The following TFAP2B variants were observed in gnomAD, a reference collection of about 807,000 sequenced individuals.
The protein encoded by TFAP2B is transcription factor AP-2 beta, also known as transcription factor AP-2-beta.
Under a neutral mutation model 44.3 loss-of-function variants are expected in TFAP2B, and 9 were observed. The observed-to-expected ratio is 0.20, with a 90% CI of 0.12 to 0.35. The LOEUF is 0.35. TFAP2B is among the 10% of genes least tolerant of loss of function. The pLI is 1.00. For synonymous variants in TFAP2B, 270 were observed against 263.8 expected (o/e 1.02, Z -0.23); for missense variants, 509 against 600.0 (o/e 0.85, Z 1.59).
At chr6:50,833,931 G>A (rs1334602522) in intron 3 of TFAP2B, among the ~76,000 whole-genome samples, 1 of 152,152 alleles carries the variant, frequency 6.6e-6, no homozygotes, top group Non-Finnish European at 1.5e-5. Flanking sequence ...ATGTTGCTAA[G>A]TATAGAGGTG....
chr6:50,818,822 A>G, upstream of TFAP2B: 7 of 1,457,286 alleles, frequency 4.8e-6, no homozygotes, highest in Non-Finnish European at 6.7e-6. Flanking sequence ...TGTATCCCCC[A>G]TTTCCAATTA....
chr6:50,823,513 C>A lies in TFAP2B; in HGVS notation c.188C>A (p.Ser63Ter). 1 of 1,613,704 alleles carries A rather than the reference C, an allele frequency of 6.2e-7. No individual in the cohort carries two copies. Residue 63 changes from serine to a stop codon, truncating the protein, a stop_gained, in exon 2 of 7, where the codon TCG (serine) becomes TAG (stop). Coordinates refer to ENST00000393655, the MANE Select transcript of TFAP2B (RefSeq NM_003221.4). LOFTEE classifies it high-confidence loss of function. ...SAPPLSHTPS[S>*]DFQPPYFPPP... Reference sequence around the variant, plus strand: ...CCGCCGCTGTCCCACACCCCGTCGTCGGACTTCCAGCCGCCCTACTTCCCA... The same window carrying A: ...CCGCCGCTGTCCCACACCCCGTCGTAGGACTTCCAGCCGCCCTACTTCCCA...
intron 2 of TFAP2B, among the ~76,000 whole-genome samples, chr6:50,825,351 T>C (rs1770474267): frequency 6.6e-6 from 1 of 152,100 alleles, no homozygotes; most frequent in Non-Finnish European, 1.5e-5. Context: ...GTTTTTAAAT[T>C]AACCTTTCTG....
chr6:50,828,182 A>G (rs768715107), intron 2 of TFAP2B, among the ~76,000 whole-genome samples: 2 of 152,324 alleles, frequency 1.3e-5, no homozygotes, highest in East Asian at 1.9e-4. Flanking sequence ...TTTAATTAAA[A>G]TCCCATAATG....
At chr6:50,833,019 G>GA (rs1435861772) in intron 3 of TFAP2B, among the ~76,000 whole-genome samples, 1 of 152,104 alleles carries the variant, frequency 6.6e-6, no homozygotes, top group African/African-American at 2.4e-5. Flanking sequence ...AACTGAAGAG[G>GA]AAAAAAATAC....
chr6:50,819,735 G>A (rs1770270429), intron 1 of TFAP2B, among the ~76,000 whole-genome samples: 3 of 152,206 alleles, frequency 2.0e-5, no homozygotes, highest in African/African-American at 2.4e-5. Flanking sequence ...TCCGGGGCCC[G>A]GACCGCGCTC....
Position 50,823,658 on chromosome 6 carries a change from G to A in TFAP2B, c.333G>A (p.Arg111=). 6.2e-7 allele frequency: 1 copy of A among 1,613,986 alleles called. No individual in the cohort carries two copies. Among genetic ancestry groups the A allele is most frequent in the South Asian group, 1.1e-5 (1 of 91,062 alleles). ...AACATCCCTGGGGGCAACGGCAGCGGCAAGAAGTGGGTTCGGAAGCCGGCT... is the reference window on the plus strand; with the variant it reads ...AACATCCCTGGGGGCAACGGCAGCGACAAGAAGTGGGTTCGGAAGCCGGCT... ...PQQHPWGQRQ[R]QEVGSEAGSL... The change falls in exon 2 of 7, where the codon CGG becomes CGA. Residue 111 remains arginine, a synonymous_variant. Transcript: ENST00000393655.
chr6:50,832,751 T>C (rs1370262145), intron 3 of TFAP2B, among the ~76,000 whole-genome samples: 1 of 152,206 alleles, frequency 6.6e-6, no homozygotes, highest in Non-Finnish European at 1.5e-5. Flanking sequence ...AAAACTATAA[T>C]TTCACACTTA....
At chr6:50,841,037 T>C (rs1762718778) in intron 6 of TFAP2B, among the ~76,000 whole-genome samples, 1 of 152,228 alleles carries the variant, frequency 6.6e-6, no homozygotes, top group Admixed American at 6.5e-5. Flanking sequence ...GACAGCGTAA[T>C]TTAAAGAAAT....
intron 3 of TFAP2B, among the ~76,000 whole-genome samples, chr6:50,835,534 T>G (rs1397657843): frequency 6.6e-6 from 1 of 152,218 alleles, no homozygotes. Flanking sequence ...CCTTATCCTT[T>G]CTAGTGATGA....
chr6:50,834,359 A>G (rs1762578469), intron 3 of TFAP2B, among the ~76,000 whole-genome samples: 1 of 152,206 alleles, frequency 6.6e-6, no homozygotes, highest in Non-Finnish European at 1.5e-5. Flanking sequence ...GCCAACATCA[A>G]TTCATCCATC....
At chr6:50,827,018 T>C (rs1448739880) in intron 2 of TFAP2B, among the ~76,000 whole-genome samples, 6 of 152,304 alleles carry the variant, frequency 3.9e-5, no homozygotes, top group African/African-American at 1.4e-4. Context: ...GCGGCCGTAA[T>C]TAGATAGAAA....
At chr6:50,840,336 G>C (rs1210538912) in intron 6 of TFAP2B, 39 bp downstream of exon 6, 2 of 1,609,962 alleles carry the variant, frequency 1.2e-6, no homozygotes, top group Admixed American at 3.3e-5. Flanking sequence ...CTCACTCCCA[G>C]CTGGCTAGGC....
chr6:50,834,306 C>G (rs1561963364), intron 3 of TFAP2B, among the ~76,000 whole-genome samples: 1 of 152,186 alleles, frequency 6.6e-6, no homozygotes, highest in Non-Finnish European at 1.5e-5. Context: ...CTCTCTATAT[C>G]CCCTGTCCCC....
rs767884844 is a variant in TFAP2B at position 50,845,517 on chromosome 6, CT to C, written c.*2126del. The C allele has an allele frequency of 2.6e-5, 4 of 152,618 alleles. No homozygotes were observed. The highest frequency in any genetic ancestry group is 9.6e-5 in the African/African-American group (4 of 41,472). The allele number at this position is 152,618 out of a possible 1,614,324, so 9.5% of individuals were successfully genotyped here. On this transcript the variant is annotated 3_prime_UTR_variant, in exon 7 of 7. Coordinates refer to ENST00000393655, the MANE Select transcript of TFAP2B (RefSeq NM_003221.4). ...CACTTCTGATCTTCATGGCCCAGCC[CT>C]AGAACTGTTGAGAGGAATGCAATGG...
In TFAP2B at chr6:50,836,275, C is replaced by G. The variant is rs1385129089; in HGVS notation, c.816C>G (p.Leu272=). The change falls in exon 4 of 7, where the codon CTC becomes CTG. Residue 272 remains leucine (L), a synonymous_variant. Transcript: ENST00000393655. ...ATGCATCTCTCCTCGGCGGAGTCCTCAGAAGGTAACCCCACCACGAAAAAC... is the reference window on the plus strand; with the variant it reads ...ATGCATCTCTCCTCGGCGGAGTCCTGAGAAGGTAACCCCACCACGAAAAAC... ...CLNASLLGGV[L]RRAKSKNGGR... 1 of 1,611,238 alleles carries G rather than the reference C, an allele frequency of 6.2e-7. No individual in the cohort carries two copies. Among genetic ancestry groups the G allele is most frequent in the African/African-American group, 1.3e-5 (1 of 74,834 alleles).
At chr6:50,834,448 T>C (rs1762579896) in intron 3 of TFAP2B, among the ~76,000 whole-genome samples, 1 of 152,226 alleles carries the variant, frequency 6.6e-6, no homozygotes, top group African/African-American at 2.4e-5. Context: ...GGGAATGTTT[T>C]AGTCTCCTCA....
chr6:50,840,400 T>C, intron 6 of TFAP2B, 103 bp downstream of exon 6: 1 of 1,452,662 alleles, frequency 6.9e-7, no homozygotes, highest in Non-Finnish European at 9.5e-7. Flanking sequence ...GCCAGAGGGT[T>C]GTCTAGAAGT....
chr6:50,839,376 T>TG (rs1159337928), intron 5 of TFAP2B, among the ~76,000 whole-genome samples: 1 of 152,218 alleles, frequency 6.6e-6, no homozygotes, highest in Non-Finnish European at 1.5e-5. Context: ...AATGTAGCTA[T>TG]GGGGTATTTC....
Sources: allele counts gnomAD v4.1 joint callset (sites outside exome capture counted in the v4.1 genomes callset), GRCh38; gene constraint gnomAD v4.1.1; transcripts MANE v1.5; gene names NCBI Gene and HGNC (gene_info 2026-07-23, HGNC 2026-07-21).